Variants in NME7 observed in about 807,000 individuals in gnomAD.
NME7 encodes the protein NME/NM23 family member 7.
A neutral mutation model predicts 49.1 loss-of-function variants in NME7; 41 were observed. That is an observed-to-expected ratio of 0.83 (90% CI 0.65 to 1.08). NME7 has a LOEUF of 1.08. Ranked by LOEUF, NME7 falls within the 50% of genes least tolerant of loss-of-function variation. NME7 has a pLI of 0.00. For missense variants in NME7, 423 were observed against 463.4 expected (o/e 0.91, Z 0.80); for synonymous variants, 139 against 150.6 (o/e 0.92, Z 0.56).
At chr1:169,242,087 C>T (rs1006602342) in intron 7 of NME7, among the ~76,000 whole-genome samples, 1 of 151,696 alleles carries the variant, frequency 6.6e-6, no homozygotes, top group Non-Finnish European at 1.5e-5. Flanking sequence ...CTGTATCTGG[C>T]TAAACATAAA....
At chr1:169,256,681 C>A (rs1449416443) in intron 7 of NME7, among the ~76,000 whole-genome samples, 1 of 123,332 alleles carries the variant, frequency 8.1e-6, no homozygotes, top group Non-Finnish European at 1.9e-5. Flanking sequence ...TGTTTTTTCC[C>A]CATCTTTGTG....
At chr1:169,296,795 C>T (rs1456103990) in intron 6 of NME7, among the ~76,000 whole-genome samples, 1 of 152,064 alleles carries the variant, frequency 6.6e-6, no homozygotes, top group African/African-American at 2.4e-5. Flanking sequence ...TTCTCATACT[C>T]TACATTCAAT....
At chr1:169,187,775 G>C (rs541242497) in intron 10 of NME7, among the ~76,000 whole-genome samples, 1 of 152,272 alleles carries the variant, frequency 6.6e-6, no homozygotes, top group African/African-American at 2.4e-5. Flanking sequence ...TGTTATGTGT[G>C]AATTTGATCC....
chr1:169,252,130 C>T (rs1380223827), intron 7 of NME7, among the ~76,000 whole-genome samples: 10 of 144,506 alleles, frequency 6.9e-5, no homozygotes, highest in Admixed American at 1.4e-4. Context: ...CCTGAGGAAT[C>T]GCCACACTGA....
chr1:169,186,986 C>G (rs1022385069), intron 10 of NME7, among the ~76,000 whole-genome samples: 2 of 151,976 alleles, frequency 1.3e-5, no homozygotes, highest in African/African-American at 4.8e-5. Context: ...ACTTATTTAT[C>G]TTATTTATTT....
At chr1:169,216,536 T>G (rs558629709) in intron 10 of NME7, among the ~76,000 whole-genome samples, 2 of 152,350 alleles carry the variant, frequency 1.3e-5, no homozygotes, top group South Asian at 4.1e-4. Flanking sequence ...TCCTTTATAA[T>G]AAAGCAGTAA....
intron 10 of NME7, among the ~76,000 whole-genome samples, chr1:169,173,651 T>C (rs1424302529): frequency 6.6e-6 from 1 of 152,114 alleles, no homozygotes; most frequent in African/African-American, 2.4e-5. Context: ...AATACAAAAA[T>C]ATTAAAAAAT....
chr1:169,227,382 C>T (rs1647388646), intron 10 of NME7, among the ~76,000 whole-genome samples: 1 of 152,162 alleles, frequency 6.6e-6, no homozygotes, highest in African/African-American at 2.4e-5. Flanking sequence ...AGCCATGTCT[C>T]CCCTGACATT....
chr1:169,300,754 A>C (rs1363110817), intron 5 of NME7, among the ~76,000 whole-genome samples: 1 of 152,208 alleles, frequency 6.6e-6, no homozygotes, highest in African/African-American at 2.4e-5. Context: ...TCACTGGAAC[A>C]TAATAGAGAA....
chr1:169,264,900 C>T (rs898988655), intron 7 of NME7, among the ~76,000 whole-genome samples: 1 of 133,694 alleles, frequency 7.5e-6, no homozygotes, highest in African/African-American at 2.5e-5. Context: ...GTTTAATTGA[C>T]TCACAGTTCA....
chr1:169,347,024 A>G (rs1353094761), intron 1 of NME7, among the ~76,000 whole-genome samples: 1 of 152,126 alleles, frequency 6.6e-6, no homozygotes, highest in Middle Eastern at 3.2e-3. Flanking sequence ...AGAATGTAAA[A>G]ATAAAAAATA....
chr1:169,241,894 C>A (rs1223990200), intron 7 of NME7, among the ~76,000 whole-genome samples: 4 of 151,654 alleles, frequency 2.6e-5, no homozygotes, highest in African/African-American at 4.8e-5. Flanking sequence ...AACGAAACTA[C>A]ACTCCAATAG....
rs1323101737 is a variant in NME7 at position 169,268,097 on chromosome 1, A to G, written c.754+19206T>C. ...AACTTAAACAAATTTACAGGAAAAA[A>G]ATAAAAACAACCCCATAACACAGTG... is the stretch of plus-strand genomic sequence containing the variant. On this transcript the variant is annotated intron_variant, in intron 7 of 11. Transcript: ENST00000367811. Among the ~76,000 whole-genome samples the G allele has an allele frequency of 1.1e-4, 15 of 133,614 alleles. 5 individuals are homozygous for G. 87.7% of individuals were successfully genotyped at this position (133,614 alleles called of 152,430 possible). A position where few individuals can be genotyped will look rare whatever the true frequency, so the allele number is the denominator to read the frequency against.
In NME7 at chr1:169,309,992, G is replaced by T; in HGVS notation, c.367C>A (p.Leu123Ile). 3.1e-6 allele frequency: 5 copies of T among 1,591,372 alleles called. No homozygotes were observed. Among genetic ancestry groups the T allele is most frequent in the Non-Finnish European group, 4.3e-6 (5 of 1,164,754 alleles). The change falls in exon 4 of 12, where the codon CTC (leucine) becomes ATC (isoleucine). Residue 123 changes from leucine to isoleucine, a missense_variant. Physicochemically the swap from Leu to Ile is conservative, Grantham distance 5 (BLOSUM62 2). Coordinates refer to ENST00000367811, the MANE Select transcript of NME7 (RefSeq NM_013330.5). The stretch of plus-strand genomic sequence containing the variant: ...TACCTTGAAAGCATCATCATTTTGA[G>T]TTTGGTTATAGTAAATCCAGCTTTG... Reference protein sequence around the residue: ...INKAGFTITKLKMMMLSRKEA... With the variant: ...INKAGFTITKIKMMMLSRKEA...
intron 4 of NME7, among the ~76,000 whole-genome samples, chr1:169,308,099 T>C (rs919532953): frequency 1.3e-5 from 2 of 152,050 alleles, no homozygotes; most frequent in South Asian, 4.1e-4. Flanking sequence ...ACCTAGTAAG[T>C]AGCACAGTTA....
At chr1:169,328,320 T>C (rs1652138668) in intron 1 of NME7, among the ~76,000 whole-genome samples, 1 of 152,204 alleles carries the variant, frequency 6.6e-6, no homozygotes, top group African/African-American at 2.4e-5. Context: ...TAAGGTAGTT[T>C]TGGGGATTAA....
chr1:169,239,130 G>A (rs12061405), intron 7 of NME7, among the ~76,000 whole-genome samples: 7,246 of 152,062 alleles, frequency 0.048, 230 homozygotes, highest in East Asian at 0.12. Flanking sequence ...CAAAACTAAA[G>A]TAGTATTTTA....
At chr1:169,225,832 A>G (rs1204067752) in intron 10 of NME7, among the ~76,000 whole-genome samples, 5 of 152,198 alleles carry the variant, frequency 3.3e-5, no homozygotes, top group Non-Finnish European at 5.9e-5. Flanking sequence ...AAGCACAGAC[A>G]TCAATGATGA....
rs549020336 is a variant in NME7 at position 169,177,452 on chromosome 1, T to C, written c.991-7898A>G. On this transcript the variant is annotated intron_variant, in intron 10 of 11. Coordinates refer to ENST00000367811, the MANE Select transcript of NME7 (RefSeq NM_013330.5). ...AAAACATAAGTTGAATCATACCACT[T>C]TCCTGCCGAAGAATCTCTGATGCTT... 3.9e-5 allele frequency among the ~76,000 whole-genome samples: 6 copies of C among 152,210 alleles called. No individual in the cohort carries two copies. The South Asian group carries it at 1.2e-3, about 32-fold the overall frequency.
Sources: gnomAD v4.1 joint callset for allele counts (sites outside exome capture counted in the v4.1 genomes callset) on GRCh38, gnomAD v4.1.1 for gene constraint, MANE v1.5 for transcripts, NCBI Gene and HGNC (gene_info 2026-07-23, HGNC 2026-07-21) for gene names.